Variants in KIFAP3 observed in about 807,000 individuals in gnomAD.
The protein encoded by KIFAP3 is kinesin-associated protein 3.
KIFAP3 carries 68 observed loss-of-function variants against 106.5 expected under a neutral mutation model. The ratio of observed to expected loss-of-function variants is 0.64; its 90% CI spans 0.53 to 0.78. The LOEUF (loss-of-function observed/expected upper bound fraction) is 0.78, where lower values mean the gene tolerates loss of function less well. KIFAP3 is among the 30% of genes least tolerant of loss of function. The pLI, the probability that KIFAP3 is intolerant of heterozygous loss-of-function variation, is 0.00. For synonymous variants in KIFAP3, 320 were observed against 311.5 expected (o/e 1.03, Z -0.29); for missense variants, 780 against 941.8 (o/e 0.83, Z 2.25).
chr1:170,014,385 A>G (rs750568591), intron 10 of KIFAP3, among the ~76,000 whole-genome samples: 4 of 152,220 alleles, frequency 2.6e-5, no homozygotes, highest in Admixed American at 2.0e-4. Context: ...ATGGCAACTT[A>G]TTGTTCCTCC....
At chr1:169,961,487 TATTTA>T (rs1355148776) in intron 17 of KIFAP3, among the ~76,000 whole-genome samples, 1 of 152,210 alleles carries the variant, frequency 6.6e-6, no homozygotes, top group African/African-American at 2.4e-5. Context: ...CATAAATTCT[TATTTA>T]ATATTACATA....
intron 3 of KIFAP3, among the ~76,000 whole-genome samples, chr1:170,045,556 G>A (rs779109586): frequency 2.6e-5 from 4 of 152,072 alleles, no homozygotes; most frequent in Non-Finnish European, 5.9e-5. Flanking sequence ...ACTATAATTT[G>A]TCTTTGGTAG....
At chr1:170,070,515 C>CA (rs1671652142) in intron 1 of KIFAP3, among the ~76,000 whole-genome samples, 1 of 151,890 alleles carries the variant, frequency 6.6e-6, no homozygotes, top group African/African-American at 2.4e-5. Flanking sequence ...ATTTAATTTT[C>CA]AAAAAAATTG....
At chr1:170,077,244 T>C (rs1399160129), upstream of KIFAP3, among the ~76,000 whole-genome samples, 1 of 152,202 alleles carries the variant, frequency 6.6e-6, no homozygotes, top group Non-Finnish European at 1.5e-5. Context: ...GGGAATAAAA[T>C]GTCAGATTAT....
At chr1:170,032,662 G>A (rs1669475799) in intron 7 of KIFAP3, among the ~76,000 whole-genome samples, 1 of 150,262 alleles carries the variant, frequency 6.7e-6, no homozygotes, top group Non-Finnish European at 1.5e-5. Flanking sequence ...AATACCACTT[G>A]TATCAAAATA....
At chr1:170,081,450 T>C (rs1467234415) in intron 1 of KIFAP3, among the ~76,000 whole-genome samples, 1 of 152,234 alleles carries the variant, frequency 6.6e-6, no homozygotes, top group Non-Finnish European at 1.5e-5. Flanking sequence ...ATCAGAAGTC[T>C]GCAATGAATC....
At position 170,012,960 on chromosome 1, in the gene KIFAP3, C is replaced by T. The variant is rs551178250; in HGVS notation, c.1183+3502G>A. ...ATGATTCAATTATCACCACCTGGCCCGGCCCTTGAAACGTGGGGATTATTA... is the reference window on the plus strand; with the variant it reads ...ATGATTCAATTATCACCACCTGGCCTGGCCCTTGAAACGTGGGGATTATTA... On this transcript the variant is annotated intron_variant, in intron 10 of 19. Transcript: ENST00000361580. Among the ~76,000 whole-genome samples the T allele has an allele frequency of 9.2e-5, 14 of 152,172 alleles. No homozygotes were observed. The South Asian group carries it at 1.0e-3, about 11-fold the overall frequency.
At chr1:169,964,130 C>G (rs1346063995) in intron 17 of KIFAP3, among the ~76,000 whole-genome samples, 2 of 152,134 alleles carry the variant, frequency 1.3e-5, no homozygotes, top group Non-Finnish European at 2.9e-5. Flanking sequence ...GTAATTTATA[C>G]AACCACCCAA....
chr1:170,032,413 C>T (rs1669462540), intron 7 of KIFAP3, among the ~76,000 whole-genome samples: 1 of 151,650 alleles, frequency 6.6e-6, no homozygotes, highest in African/African-American at 2.4e-5. Context: ...CAGACAGATG[C>T]CCAGAATATT....
chr1:169,938,565 T>C (rs1190381528), intron 19 of KIFAP3, among the ~76,000 whole-genome samples: 1 of 152,154 alleles, frequency 6.6e-6, no homozygotes, highest in Non-Finnish European at 1.5e-5. Flanking sequence ...GTCTGAATAC[T>C]GGCTCTGACC....
Position 169,984,567 on chromosome 1 carries a change from C to A in KIFAP3, c.1393+15G>T. 1.4e-6 allele frequency: 2 copies of A among 1,408,380 alleles called. No homozygotes were observed. Among genetic ancestry groups the A allele is most frequent in the Non-Finnish European group, 2.0e-6 (2 of 1,005,044 alleles). The allele number at this position is 1,408,380 out of a possible 1,614,324, so 87.2% of individuals were successfully genotyped here. ...CCATATGCTAAAAAAGTTACCTACA[C>A]TCAAAGGCACTGACCTTCACAGATA... On this transcript the variant is annotated intron_variant, in intron 12 of 19. Coordinates refer to ENST00000361580, the MANE Select transcript of KIFAP3 (RefSeq NM_014970.4).
intron 19 of KIFAP3, among the ~76,000 whole-genome samples, chr1:169,925,894 G>A (rs923194560): frequency 2.0e-5 from 3 of 152,200 alleles, no homozygotes; most frequent in South Asian, 2.1e-4. Context: ...ATTAAAACGA[G>A]ATAAAAGCAA....
In KIFAP3 at chr1:169,961,037, G is replaced by C; in HGVS notation, c.2173+9C>G. On this transcript the variant is annotated intron_variant, in intron 18 of 19. Coordinates refer to ENST00000361580, the MANE Select transcript of KIFAP3 (RefSeq NM_014970.4). ...ATAATAAACTGTTTACTTTCGCTTTGGTTATCACCTGAGTTGTAGAAAAGG... is the reference window on the plus strand; with the variant it reads ...ATAATAAACTGTTTACTTTCGCTTTCGTTATCACCTGAGTTGTAGAAAAGG... 7.5e-6 allele frequency: 12 copies of C among 1,606,530 alleles called. No individual in the cohort carries two copies. Among genetic ancestry groups the C allele is most frequent in the Non-Finnish European group, 1.0e-5 (12 of 1,175,916 alleles).
chr1:170,082,470 A>G (rs1672035156), intron 1 of KIFAP3, among the ~76,000 whole-genome samples: 1 of 152,232 alleles, frequency 6.6e-6, no homozygotes. Context: ...ACTTTAGGGT[A>G]ATGGTCACCC....
chr1:170,011,791 T>C (rs1422149096), intron 10 of KIFAP3, among the ~76,000 whole-genome samples: 1 of 152,098 alleles, frequency 6.6e-6, no homozygotes, highest in Admixed American at 6.6e-5. Context: ...CCACATATGT[T>C]AAATGTATCA....
At chr1:169,966,757 G>T (rs1411052483) in intron 17 of KIFAP3, among the ~76,000 whole-genome samples, 1 of 151,612 alleles carries the variant, frequency 6.6e-6, no homozygotes, top group Non-Finnish European at 1.5e-5. Context: ...AAATTTACAG[G>T]CTGAGTATGA....
At chr1:170,052,635 T>TAATCCAGCAGCA (rs1440053666) in intron 2 of KIFAP3, among the ~76,000 whole-genome samples, 1 of 152,200 alleles carries the variant, frequency 6.6e-6, no homozygotes, top group African/African-American at 2.4e-5. Flanking sequence ...ATCAAAAAAC[T>TAATCCAGCAGCA]TATCCACCAC....
intron 1 of KIFAP3, among the ~76,000 whole-genome samples, chr1:170,062,246 C>T (rs1171543791): frequency 6.7e-6 from 1 of 149,168 alleles, no homozygotes; most frequent in Non-Finnish European, 1.5e-5. Context: ...GAAAATGTGT[C>T]AGGTTAAAGG....
chr1:170,008,065 T>C (rs895181392), intron 10 of KIFAP3, among the ~76,000 whole-genome samples: 1 of 151,848 alleles, frequency 6.6e-6, no homozygotes, highest in African/African-American at 2.4e-5. Context: ...TGGCTAGCCA[T>C]ATGCAGAAAA....
Sources: gnomAD v4.1 joint callset for allele counts (sites outside exome capture counted in the v4.1 genomes callset) on GRCh38, gnomAD v4.1.1 for gene constraint, MANE v1.5 for transcripts, NCBI Gene and HGNC (gene_info 2026-07-23, HGNC 2026-07-21) for gene names.